Variants in BRD10 observed in about 807,000 individuals in gnomAD.
The protein encoded by BRD10 is bromodomain containing 10.
chr9:5,880,862 G>A, the BRD10 span, among the ~76,000 whole-genome samples: 2 of 151,914 alleles, frequency 1.3e-5, no homozygotes, highest in African/African-American at 2.4e-5. Context: ...GCGCCACCAC[G>A]CCCAGCTAAT....
chr9:5,918,815 C>CA, the BRD10 span, among the ~76,000 whole-genome samples: 415 of 104,828 alleles, frequency 4.0e-3, 4 homozygotes, highest in African/African-American at 0.011. Context: ...ACAGGTGAGT[C>CA]AAAAAAAAAA....
At chr9:5,988,674 G>A in the BRD10 span, 8 of 661,190 alleles carry the variant, frequency 1.2e-5, no homozygotes, top group South Asian at 1.2e-4. Context: ...ACTTAGCTTT[G>A]TTCTAACTTT....
the BRD10 span, among the ~76,000 whole-genome samples, chr9:6,000,443 G>C: frequency 1.3e-5 from 2 of 152,092 alleles, no homozygotes; most frequent in African/African-American, 4.8e-5. Context: ...TCATCTGAAA[G>C]CTAAAATAAA....
chr9:5,920,647 C>T, the BRD10 span: 17 of 1,613,942 alleles, frequency 1.1e-5, no homozygotes, highest in South Asian at 1.8e-4. Context: ...GGAGTGAAGT[C>T]CGAGATTGTC....
the BRD10 span, among the ~76,000 whole-genome samples, chr9:5,931,308 G>A: frequency 5.9e-5 from 9 of 152,132 alleles, no homozygotes; most frequent in Non-Finnish European, 1.0e-4. Flanking sequence ...CTGGGTAGCT[G>A]GGATGTTGTT....
At chr9:5,976,764 G>A in the BRD10 span, among the ~76,000 whole-genome samples, 2 of 148,862 alleles carry the variant, frequency 1.3e-5, no homozygotes, top group African/African-American at 2.5e-5. Context: ...ACTAAGTAGG[G>A]AAAGGACAGC....
At chr9:5,930,674 A>T in the BRD10 span, among the ~76,000 whole-genome samples, 1 of 152,136 alleles carries the variant, frequency 6.6e-6, no homozygotes. Context: ...CAAAGAATTA[A>T]GAAAAAAAAT....
the BRD10 span, chr9:5,923,213 T>C: frequency 6.2e-7 from 1 of 1,614,018 alleles, no homozygotes; most frequent in African/African-American, 1.3e-5. Flanking sequence ...TTTAAGTGTT[T>C]TAAGCAGTGT....
chr9:5,991,496 G>A, the BRD10 span, among the ~76,000 whole-genome samples: 2 of 152,106 alleles, frequency 1.3e-5, no homozygotes, highest in Non-Finnish European at 2.9e-5. Context: ...GCCAAGGCAG[G>A]TGGATCACCT....
chr9:5,901,782 A>G, the BRD10 span, among the ~76,000 whole-genome samples: 3 of 152,174 alleles, frequency 2.0e-5, no homozygotes, highest in African/African-American at 7.2e-5. Flanking sequence ...TCAGCCTCCC[A>G]AAGTGCTGGG....
the BRD10 span, among the ~76,000 whole-genome samples, chr9:5,998,387 C>G: frequency 6.6e-6 from 1 of 152,088 alleles, no homozygotes; most frequent in Non-Finnish European, 1.5e-5. Context: ...CTTTAGATTT[C>G]CATAATATGT....
At chr9:6,008,178 G>A in the BRD10 span, 3 of 973,974 alleles carry the variant, frequency 3.1e-6, no homozygotes, top group African/African-American at 3.5e-5. Context: ...GGGGCTGGGA[G>A]GGGGCGAGGA....
the BRD10 span, chr9:5,988,618 T>A: frequency 6.5e-6 from 7 of 1,082,142 alleles, no homozygotes; most frequent in Non-Finnish European, 6.9e-6. Flanking sequence ...GCCAGCAACT[T>A]AAGAATCCCT....
the BRD10 span, chr9:6,007,391 G>A: frequency 6.2e-7 from 1 of 1,610,484 alleles, no homozygotes; most frequent in Non-Finnish European, 8.5e-7. Context: ...CCCTGTCCGG[G>A]CTGCTGCGGG....
the BRD10 span, chr9:6,007,754 G>A: frequency 2.5e-6 from 4 of 1,582,674 alleles, no homozygotes; most frequent in African/African-American, 2.7e-5. Flanking sequence ...TCCCCAGCCG[G>A]CTCCATCGCT....
At chr9:5,978,053 T>G in the BRD10 span, among the ~76,000 whole-genome samples, 1 of 152,186 alleles carries the variant, frequency 6.6e-6, no homozygotes, top group Non-Finnish European at 1.5e-5. Flanking sequence ...AAATAACATT[T>G]GCTATTTTTA....
chr9:5,936,085 G>T, the BRD10 span, among the ~76,000 whole-genome samples: 3 of 152,116 alleles, frequency 2.0e-5, no homozygotes, highest in Admixed American at 1.3e-4. Context: ...GCCGGGCATG[G>T]GGGCTTATGC....
the BRD10 span, among the ~76,000 whole-genome samples, chr9:5,989,711 T>C: frequency 2.6e-5 from 4 of 151,994 alleles, no homozygotes; most frequent in African/African-American, 4.8e-5. Context: ...TGTAATTTTG[T>C]AGAGACAGGG....
the BRD10 span, among the ~76,000 whole-genome samples, chr9:5,916,296 T>C: frequency 6.6e-6 from 1 of 152,174 alleles, no homozygotes; most frequent in African/African-American, 2.4e-5. Flanking sequence ...TCTCAAGCTT[T>C]TAATGTTAAA....
Sources: allele counts gnomAD v4.1 joint callset (sites outside exome capture counted in the v4.1 genomes callset), GRCh38; gene constraint gnomAD v4.1.1; transcripts MANE v1.5; gene names NCBI Gene and HGNC (gene_info 2026-07-23, HGNC 2026-07-21).